Variants in DLG2 observed in about 807,000 individuals in gnomAD.
The protein encoded by DLG2 is disks large homolog 2.
Under a neutral mutation model 132.5 loss-of-function variants are expected in DLG2, and 45 were observed. The observed-to-expected ratio is 0.34, with a 90% CI of 0.27 to 0.44. The LOEUF (loss-of-function observed/expected upper bound fraction) is 0.44. DLG2 is among the 20% of genes least tolerant of loss of function. DLG2 has a pLI of 1.00. For missense variants in DLG2, 1,045 were observed against 1,196.9 expected, an observed-to-expected ratio of 0.87 and a Z score of 1.87; for synonymous variants, 424 against 419.6, an observed-to-expected ratio of 1.01 and a Z score of -0.13.
At chr11:84,546,125 T>C (rs1032625911) in intron 6 of DLG2, among the ~76,000 whole-genome samples, 8 of 152,114 alleles carry the variant, frequency 5.3e-5, no homozygotes, top group Admixed American at 2.6e-4. Flanking sequence ...CCCACCCAAA[T>C]CTCAAGTTGA....
chr11:83,793,813 T>C (rs951969015), intron 17 of DLG2, among the ~76,000 whole-genome samples: 2 of 152,226 alleles, frequency 1.3e-5, no homozygotes, highest in Non-Finnish European at 2.9e-5. Flanking sequence ...TTCAAAGAGC[T>C]GTGATTATAA....
chr11:84,810,301 G>A (rs1334066172), intron 6 of DLG2, among the ~76,000 whole-genome samples: 1 of 152,016 alleles, frequency 6.6e-6, no homozygotes, highest in Non-Finnish European at 1.5e-5. Context: ...GTGAAGATAG[G>A]AAGAGATATT....
intron 11 of DLG2, among the ~76,000 whole-genome samples, chr11:84,049,084 T>C (rs1413120243): frequency 1.3e-5 from 2 of 151,524 alleles, no homozygotes; most frequent in African/African-American, 4.8e-5. Context: ...ATAGTTCACT[T>C]TGGCCATATG....
At chr11:84,331,441 CAAAAAAAA>C (rs71465960) in intron 7 of DLG2, among the ~76,000 whole-genome samples, 1 of 119,786 alleles carries the variant, frequency 8.3e-6, no homozygotes, top group East Asian at 2.4e-4. Context: ...TTACTTATCT[CAAAAAAAA>C]AAAAAAAAAA....
At chr11:84,488,372 G>T (rs889589446) in intron 7 of DLG2, among the ~76,000 whole-genome samples, 1 of 152,108 alleles carries the variant, frequency 6.6e-6, no homozygotes, top group South Asian at 2.1e-4. Context: ...TCCAGATCTT[G>T]TTGGAATTGG....
chr11:83,965,320 T>G lies in DLG2; in HGVS notation c.1201+4A>C. The G allele has an allele frequency of 6.2e-7, 1 of 1,603,328 alleles. No homozygotes were observed. Among genetic ancestry groups the G allele is most frequent in the Admixed American group, 1.7e-5 (1 of 58,126 alleles). On this transcript the variant is annotated splice_donor_region_variant and intron_variant, in intron 13 of 27. Transcript: ENST00000376104. ...TGCTATTTGAAGATGACAATGGTAC[T>G]TACAGTGAGTAATATCAGGTGGACC...
At chr11:84,491,213 T>A (rs1366363383) in intron 7 of DLG2, among the ~76,000 whole-genome samples, 3 of 152,052 alleles carry the variant, frequency 2.0e-5, no homozygotes, top group African/African-American at 7.2e-5. Context: ...CCACGTATTG[T>A]GGGACGGACC....
intron 7 of DLG2, among the ~76,000 whole-genome samples, chr11:84,430,885 G>A (rs781104567): frequency 2.6e-5 from 4 of 152,160 alleles, no homozygotes; most frequent in East Asian, 1.9e-4. Context: ...AGACACTGGC[G>A]CTGAGTCATG....
intron 15 of DLG2, among the ~76,000 whole-genome samples, chr11:83,881,220 T>C (rs1019446671): frequency 2.2e-4 from 34 of 152,274 alleles, no homozygotes; most frequent in African/African-American, 7.7e-4. Context: ...CAAGATAACA[T>C]GGACTTTTAC....
intron 10 of DLG2, among the ~76,000 whole-genome samples, chr11:84,082,560 T>C (rs2096920308): frequency 6.6e-6 from 1 of 152,234 alleles, no homozygotes; most frequent in Admixed American, 6.5e-5. Flanking sequence ...AATATGGGTG[T>C]CACTTTGATG....
intron 6 of DLG2, chr11:84,686,982 G>C (rs923484050): frequency 6.6e-6 from 1 of 151,914 alleles, no homozygotes; most frequent in African/African-American, 2.4e-5. Flanking sequence ...TTAGGAGTGG[G>C]CATGTTTTCC....
At chr11:83,918,529 A>G (rs2077294785) in intron 15 of DLG2, among the ~76,000 whole-genome samples, 1 of 152,226 alleles carries the variant, frequency 6.6e-6, no homozygotes, top group South Asian at 2.1e-4. Context: ...TAACAACAAC[A>G]GAAACGTCCA....
chr11:84,848,982 G>A (rs2081855910), intron 6 of DLG2, among the ~76,000 whole-genome samples: 1 of 152,194 alleles, frequency 6.6e-6, no homozygotes. Flanking sequence ...GCCTTAAGAA[G>A]GCCTGACAAC....
At chr11:84,804,835 C>T (rs1219364056) in intron 6 of DLG2, among the ~76,000 whole-genome samples, 1 of 152,138 alleles carries the variant, frequency 6.6e-6, no homozygotes, top group South Asian at 2.1e-4. Context: ...TTCCCCATCC[C>T]CCTTGCTCAG....
chr11:83,567,138 G>T (rs757006512), intron 19 of DLG2, among the ~76,000 whole-genome samples: 1 of 152,076 alleles, frequency 6.6e-6, no homozygotes, highest in Non-Finnish European at 1.5e-5. Context: ...CGGGTGACTC[G>T]TTGAAAGCCT....
intron 18 of DLG2, among the ~76,000 whole-genome samples, chr11:83,682,903 A>G (rs2079077973): frequency 6.6e-6 from 1 of 152,160 alleles, no homozygotes; most frequent in Non-Finnish European, 1.5e-5. Context: ...GGCAAGAAAG[A>G]TAAAGTGACT....
chr11:84,161,217 A>C (rs1217762511), intron 9 of DLG2, among the ~76,000 whole-genome samples: 1 of 152,102 alleles, frequency 6.6e-6, no homozygotes, highest in Non-Finnish European at 1.5e-5. Flanking sequence ...AGAAGAGAAA[A>C]AAAAGTGCAT....
chr11:84,686,366 A>G (rs1244682773), intron 6 of DLG2, among the ~76,000 whole-genome samples: 1 of 152,172 alleles, frequency 6.6e-6, no homozygotes, highest in Non-Finnish European at 1.5e-5. Context: ...GCAGAAGGCA[A>G]CCTTTCTACA....
chr11:84,696,647 C>G (rs2058647383), intron 6 of DLG2, among the ~76,000 whole-genome samples: 1 of 151,400 alleles, frequency 6.6e-6, no homozygotes, highest in African/African-American at 2.4e-5. Flanking sequence ...CAGACTGTCA[C>G]TTGTTAAGCA....
Sources: allele counts gnomAD v4.1 joint callset (sites outside exome capture counted in the v4.1 genomes callset), GRCh38; gene constraint gnomAD v4.1.1; transcripts MANE v1.5; gene names NCBI Gene and HGNC (gene_info 2026-07-23, HGNC 2026-07-21).